Variants in CNTN5 observed in about 807,000 individuals in gnomAD.
CNTN5 encodes the protein contactin-5.
CNTN5 carries 77 observed loss-of-function variants against 129.1 expected under a neutral mutation model. The observed-to-expected ratio is 0.60, with a 90% CI of 0.50 to 0.72. The LOEUF (loss-of-function observed/expected upper bound fraction) is 0.72, where lower values mean the gene tolerates loss of function less well. Among genes scored for constraint, CNTN5 ranks in the 30% least tolerant of loss-of-function variants. The probability of loss-of-function intolerance (pLI) is 0.00; values close to 1 mark genes in which losing one functional copy is unlikely to be tolerated. For missense variants in CNTN5, 1,478 were observed against 1,328.8 expected, an observed-to-expected ratio of 1.11 and a Z score of -1.75; for synonymous variants, 509 against 465.6, an observed-to-expected ratio of 1.09 and a Z score of -1.20.
intron 3 of CNTN5, among the ~76,000 whole-genome samples, chr11:99,722,787 C>G (rs765194068): frequency 1.3e-5 from 2 of 151,852 alleles, no homozygotes; most frequent in Non-Finnish European, 2.9e-5. Flanking sequence ...CAACTCTCCC[C>G]ATATGGGGAG....
chr11:99,315,026 T>G (rs1374200609), intron 1 of CNTN5, among the ~76,000 whole-genome samples: 1 of 148,886 alleles, frequency 6.7e-6, no homozygotes, highest in Non-Finnish European at 1.5e-5. Flanking sequence ...GTTGCTGTTC[T>G]TCAGACCAAA....
chr11:99,235,276 A>C (rs1011991306), intron 1 of CNTN5, among the ~76,000 whole-genome samples: 1 of 152,134 alleles, frequency 6.6e-6, no homozygotes, highest in East Asian at 1.9e-4. Context: ...AAAAGCAAGA[A>C]AAAATAAGGA....
intron 2 of CNTN5, among the ~76,000 whole-genome samples, chr11:99,450,893 G>A (rs1451471333): frequency 6.6e-6 from 1 of 150,984 alleles, no homozygotes; most frequent in East Asian, 1.9e-4. Flanking sequence ...CAGAATCTGG[G>A]AATAATGAAG....
chr11:99,796,187 G>A (rs1012665387), intron 3 of CNTN5, among the ~76,000 whole-genome samples: 12 of 152,142 alleles, frequency 7.9e-5, no homozygotes, highest in Admixed American at 3.9e-4. Context: ...TTGTGTGCAC[G>A]TTCACTTCAG....
rs1339837889 is a variant in CNTN5, at chr11:99,503,809, G to A, written c.-70-52336G>A. ...TTATATTCTATGATGGCAAGGAATTGTACCTCATTTCTCCTTTCTGTTAAA... is the reference window on the plus strand; with the variant it reads ...TTATATTCTATGATGGCAAGGAATTATACCTCATTTCTCCTTTCTGTTAAA... On this transcript the variant is annotated intron_variant, in intron 2 of 24. Transcript: ENST00000524871. Among the ~76,000 whole-genome samples the A allele has an allele frequency of 5.3e-5, 8 of 152,068 alleles. No homozygotes were observed. In the South Asian group the frequency reaches 1.7e-3, roughly 32 times the overall value.
chr11:99,074,259 G>A (rs1047130386), intron 1 of CNTN5, among the ~76,000 whole-genome samples: 1 of 149,630 alleles, frequency 6.7e-6, no homozygotes, highest in Non-Finnish European at 1.5e-5. Flanking sequence ...TAAGTTCCTT[G>A]TAGATTCTGG....
chr11:99,625,213 A>G (rs1043506366), intron 3 of CNTN5, among the ~76,000 whole-genome samples: 6 of 152,108 alleles, frequency 3.9e-5, no homozygotes, highest in African/African-American at 1.4e-4. Flanking sequence ...TCCCAAATCC[A>G]TTTCTTGTTT....
At chr11:100,314,090 A>G (rs896675695) in intron 21 of CNTN5, among the ~76,000 whole-genome samples, 8 of 152,122 alleles carry the variant, frequency 5.3e-5, no homozygotes, top group African/African-American at 1.9e-4. Flanking sequence ...TGGTGGAAAT[A>G]GTTTGAGGGC....
At chr11:99,149,906 A>G (rs1322582009) in intron 1 of CNTN5, among the ~76,000 whole-genome samples, 1 of 152,124 alleles carries the variant, frequency 6.6e-6, no homozygotes, top group Non-Finnish European at 1.5e-5. Context: ...CAACCTATAT[A>G]TCTATCTCCC....
At chr11:99,819,210 T>C (rs1217317651) in intron 3 of CNTN5, among the ~76,000 whole-genome samples, 1 of 147,980 alleles carries the variant, frequency 6.8e-6, no homozygotes, top group Non-Finnish European at 1.5e-5. Context: ...TTTGACTGTC[T>C]TCCCTTCTTT....
chr11:99,781,663 A>G (rs1361340753), intron 3 of CNTN5, among the ~76,000 whole-genome samples: 1 of 152,102 alleles, frequency 6.6e-6, no homozygotes, highest in African/African-American at 2.4e-5. Context: ...ATGAACAATT[A>G]TGGGTTTCAA....
chr11:99,853,952 A>G (rs1426126205), intron 6 of CNTN5, among the ~76,000 whole-genome samples: 1 of 152,198 alleles, frequency 6.6e-6, no homozygotes, highest in Non-Finnish European at 1.5e-5. Flanking sequence ...TAAAATCTTT[A>G]TAATACTGCC....
chr11:99,327,561 T>G (rs1398536400), intron 2 of CNTN5, among the ~76,000 whole-genome samples: 1 of 152,274 alleles, frequency 6.6e-6, no homozygotes, highest in South Asian at 2.1e-4. Flanking sequence ...TCCTTCCAAC[T>G]AATTGAAAAG....
Position 100,224,676 on chromosome 11 carries a change from T to C in CNTN5, c.1885-16T>C. On this transcript the variant is annotated splice_polypyrimidine_tract_variant and intron_variant, in intron 15 of 24. Transcript: ENST00000524871. ...GATTTGCAACATTTTAAACTGGCAC[T>C]TCATCCCTCTTTCAGCAAGCATCCT... The C allele has an allele frequency of 1.9e-6, 3 of 1,606,200 alleles. No homozygotes were observed. The highest frequency in any genetic ancestry group is 2.6e-6 in the Non-Finnish European group (3 of 1,174,296).
At position 99,561,009 on chromosome 11, in the gene CNTN5, C is replaced by T. The variant is rs561767953; in HGVS notation, c.55+4740C>T. Among the ~76,000 whole-genome samples, 27 of 152,200 alleles carry T rather than the reference C, an allele frequency of 1.8e-4. No individual in the cohort carries two copies. In the South Asian group the frequency reaches 5.2e-3, roughly 29 times the overall value. On this transcript the variant is annotated intron_variant, in intron 3 of 24. Coordinates refer to ENST00000524871, the MANE Select transcript of CNTN5 (RefSeq NM_014361.4). ...AGAATCTATGTGTCTGAGTAGCAAC[C>T]AACACACAAAGTATCAACATTTCGG... is the stretch of plus-strand genomic sequence containing the variant.
At chr11:99,382,589 T>G (rs1342798494) in intron 2 of CNTN5, among the ~76,000 whole-genome samples, 1 of 152,134 alleles carries the variant, frequency 6.6e-6, no homozygotes, top group Non-Finnish European at 1.5e-5. Context: ...ATTTGTTCTT[T>G]TTCTCCACAT....
At chr11:99,860,499 G>C (rs1345848964) in intron 6 of CNTN5, among the ~76,000 whole-genome samples, 1 of 152,090 alleles carries the variant, frequency 6.6e-6, no homozygotes, top group Non-Finnish European at 1.5e-5. Context: ...GAAATGTAGA[G>C]GTCCAATTTC....
intron 1 of CNTN5, among the ~76,000 whole-genome samples, chr11:99,286,158 C>G (rs1219666637): frequency 6.6e-6 from 1 of 151,786 alleles, no homozygotes; most frequent in Non-Finnish European, 1.5e-5. Flanking sequence ...CTGAAAGAAG[C>G]AGATTTGGCA....
intron 1 of CNTN5, among the ~76,000 whole-genome samples, chr11:99,307,904 C>T (rs1181963095): frequency 2.0e-5 from 3 of 152,110 alleles, no homozygotes. Context: ...ACACATACAC[C>T]CAAACCAGCA....
Sources: allele counts gnomAD v4.1 joint callset (sites outside exome capture counted in the v4.1 genomes callset), GRCh38; gene constraint gnomAD v4.1.1; transcripts MANE v1.5; gene names NCBI Gene and HGNC (gene_info 2026-07-23, HGNC 2026-07-21).